MLLT3: variants seen among roughly 807,000 people sequenced by gnomAD.
MLLT3 encodes protein AF-9.
Under a neutral mutation model 53.2 loss-of-function variants are expected in MLLT3, and 4 were observed. That is an observed-to-expected ratio of 0.08 (90% CI 0.04 to 0.17). The LOEUF (loss-of-function observed/expected upper bound fraction) is 0.17, where lower values mean the gene tolerates loss of function less well. Ranked by LOEUF, MLLT3 falls within the 10% of genes least tolerant of loss-of-function variation. The pLI is 1.00. For synonymous variants in MLLT3, 283 were observed against 230.6 expected (o/e 1.23, Z -2.06); for missense variants, 569 against 684.0 (o/e 0.83, Z 1.87).
chr9:20,373,970 A>C (rs1283188581), intron 5 of MLLT3, among the ~76,000 whole-genome samples: 2 of 151,106 alleles, frequency 1.3e-5, no homozygotes, highest in Non-Finnish European at 2.9e-5. Flanking sequence ...TACACATTAT[A>C]TAGCTTTTCT....
intron 2 of MLLT3, among the ~76,000 whole-genome samples, chr9:20,490,719 C>A (rs1157745359): frequency 2.0e-5 from 3 of 152,208 alleles, no homozygotes; most frequent in Non-Finnish European, 4.4e-5. Context: ...GCTATAGCAG[C>A]AACAGAAAAT....
chr9:20,397,563 T>C (rs1246529961), intron 5 of MLLT3, among the ~76,000 whole-genome samples: 2 of 152,164 alleles, frequency 1.3e-5, no homozygotes, highest in East Asian at 1.9e-4. Context: ...CCCATCAGCA[T>C]GCAAATTACA....
At chr9:20,490,451 T>G (rs965151959) in intron 2 of MLLT3, among the ~76,000 whole-genome samples, 2 of 152,204 alleles carry the variant, frequency 1.3e-5, no homozygotes, top group African/African-American at 2.4e-5. Flanking sequence ...ACTGGAGAGA[T>G]GCCTCTAGTT....
intron 5 of MLLT3, among the ~76,000 whole-genome samples, chr9:20,401,505 G>T (rs542427198): frequency 6.6e-6 from 1 of 152,194 alleles, no homozygotes; most frequent in East Asian, 1.9e-4. Context: ...AGCTCTACAA[G>T]GTCAAGAATC....
chr9:20,422,963 C>T (rs879817906), intron 4 of MLLT3, among the ~76,000 whole-genome samples: 2 of 151,910 alleles, frequency 1.3e-5, no homozygotes, highest in Non-Finnish European at 2.9e-5. Flanking sequence ...TATTATTAGC[C>T]CCAATTTATA....
At chr9:20,585,783 C>A (rs1272958456) in intron 2 of MLLT3, among the ~76,000 whole-genome samples, 1 of 152,186 alleles carries the variant, frequency 6.6e-6, no homozygotes, top group Admixed American at 6.5e-5. Context: ...GGAGCATGAT[C>A]ACCAGGACTG....
intron 4 of MLLT3, among the ~76,000 whole-genome samples, chr9:20,414,861 T>C (rs1464123937): frequency 2.0e-5 from 3 of 152,094 alleles, no homozygotes; most frequent in Non-Finnish European, 4.4e-5. Flanking sequence ...CAAAAATTCA[T>C]AAAGAAGTAA....
chr9:20,607,562 A>C (rs990475031), intron 2 of MLLT3, among the ~76,000 whole-genome samples: 1 of 152,266 alleles, frequency 6.6e-6, no homozygotes, highest in Non-Finnish European at 1.5e-5. Flanking sequence ...GCAGCTAATA[A>C]GAAATACCCA....
At chr9:20,360,518 T>C (rs886189611) in intron 8 of MLLT3, among the ~76,000 whole-genome samples, 1 of 152,242 alleles carries the variant, frequency 6.6e-6, no homozygotes, top group African/African-American at 2.4e-5. Context: ...CTTATTGTAC[T>C]AACTTAATTA....
intron 2 of MLLT3, among the ~76,000 whole-genome samples, chr9:20,460,205 C>A (rs537503759): frequency 6.6e-6 from 1 of 152,190 alleles, no homozygotes; most frequent in Admixed American, 6.5e-5. Flanking sequence ...TCTCTCACTG[C>A]ATCAAGTTTA....
intron 5 of MLLT3, among the ~76,000 whole-genome samples, chr9:20,373,347 T>C (rs946279421): frequency 6.6e-6 from 1 of 152,174 alleles, no homozygotes; most frequent in Non-Finnish European, 1.5e-5. Flanking sequence ...CTATGCAAAA[T>C]CATTTTGTAA....
At chr9:20,530,735 G>A (rs1587032526) in intron 2 of MLLT3, among the ~76,000 whole-genome samples, 4 of 152,088 alleles carry the variant, frequency 2.6e-5, no homozygotes, top group Non-Finnish European at 4.4e-5. Context: ...GGTTTCAATC[G>A]ATTCTCCTGC....
At chr9:20,368,882 A>C (rs1305448410) in intron 5 of MLLT3, among the ~76,000 whole-genome samples, 1 of 152,238 alleles carries the variant, frequency 6.6e-6, no homozygotes, top group Non-Finnish European at 1.5e-5. Context: ...AAGAGTGGGC[A>C]ACAAGGCAAT....
At chr9:20,348,751 T>G (rs1820938958) in intron 10 of MLLT3, among the ~76,000 whole-genome samples, 1 of 152,220 alleles carries the variant, frequency 6.6e-6, no homozygotes, top group African/African-American at 2.4e-5. Flanking sequence ...TTATTAACAC[T>G]AAAAGATCTA....
chr9:20,430,266 T>G (rs779876974), intron 4 of MLLT3, among the ~76,000 whole-genome samples: 1 of 152,156 alleles, frequency 6.6e-6, no homozygotes, highest in Non-Finnish European at 1.5e-5. Flanking sequence ...TTCAATGTAA[T>G]TTCAATTCAA....
rs141291636 is a variant in MLLT3, at chr9:20,359,799, G to A, written c.1431+943C>T. ...TTGTTTAGTTTTCAAGTTAATATTC[G>A]TACAGTAACTTGAATTAAGCAGTTA... On this transcript the variant is annotated intron_variant, in intron 8 of 10. Coordinates refer to ENST00000380338, the MANE Select transcript of MLLT3 (RefSeq NM_004529.4). 2.8e-3 allele frequency among the ~76,000 whole-genome samples: 426 copies of A among 152,230 alleles called. 1 individual carries two copies. The highest frequency in any genetic ancestry group is 4.9e-3 in the Non-Finnish European group (331 of 68,020).
intron 2 of MLLT3, among the ~76,000 whole-genome samples, chr9:20,561,932 T>C (rs1452589871): frequency 2.0e-5 from 3 of 151,850 alleles, no homozygotes; most frequent in Non-Finnish European, 1.5e-5. Context: ...GGGTTTTGGT[T>C]TGTTTGGGTT....
chr9:20,485,552 T>C (rs548832288), intron 2 of MLLT3, among the ~76,000 whole-genome samples: 2 of 152,332 alleles, frequency 1.3e-5, no homozygotes, highest in South Asian at 4.1e-4. Flanking sequence ...TGTTTATTTC[T>C]CACACGTTCC....
At chr9:20,533,347 C>G (rs1818394359) in intron 2 of MLLT3, 1 of 220,550 alleles carries the variant, frequency 4.5e-6, no homozygotes, top group Non-Finnish European at 9.7e-6. Flanking sequence ...TAAATGTACA[C>G]TGTTGAGTTT....
Sources: allele counts gnomAD v4.1 joint callset (sites outside exome capture counted in the v4.1 genomes callset), GRCh38; gene constraint gnomAD v4.1.1; transcripts MANE v1.5; gene names NCBI Gene and HGNC (gene_info 2026-07-23, HGNC 2026-07-21).